Variants in PTPRD observed in about 807,000 individuals in gnomAD.
PTPRD encodes protein tyrosine phosphatase receptor type D, also known as receptor-type tyrosine-protein phosphatase delta.
A neutral mutation model predicts 214.5 loss-of-function variants in PTPRD; 34 were observed. The ratio of observed to expected loss-of-function variants is 0.16; its 90% CI spans 0.12 to 0.21. PTPRD has a LOEUF of 0.21. PTPRD is among the 10% of genes least tolerant of loss of function. The probability of loss-of-function intolerance (pLI) is 1.00; values close to 1 mark genes in which losing one functional copy is unlikely to be tolerated. For synonymous variants in PTPRD, 1,128 were observed against 845.7 expected, an observed-to-expected ratio of 1.33 and a Z score of -5.79; for missense variants, 2,545 against 2,398.7, an observed-to-expected ratio of 1.06 and a Z score of -1.27.
At chr9:9,179,498 G>A (rs771832809) in intron 10 of PTPRD, among the ~76,000 whole-genome samples, 16 of 152,174 alleles carry the variant, frequency 1.1e-4, no homozygotes, top group Middle Eastern at 3.4e-3. Context: ...AAAATGCTAC[G>A]AACCACTAGC....
At chr9:10,181,987 G>A (rs1246057973) in intron 3 of PTPRD, among the ~76,000 whole-genome samples, 2 of 148,492 alleles carry the variant, frequency 1.3e-5, no homozygotes, top group Middle Eastern at 3.5e-3. Context: ...TGGGTGCAGT[G>A]GCTCACGCCT....
chr9:8,835,100 G>A (rs960294670), intron 11 of PTPRD, among the ~76,000 whole-genome samples: 4 of 152,174 alleles, frequency 2.6e-5, no homozygotes, highest in African/African-American at 9.7e-5. Context: ...ATTCAACTGG[G>A]CCCCATGCAT....
At chr9:10,082,189 A>G (rs1428108757) in intron 3 of PTPRD, among the ~76,000 whole-genome samples, 1 of 152,094 alleles carries the variant, frequency 6.6e-6, no homozygotes, top group Non-Finnish European at 1.5e-5. Flanking sequence ...CCTGGAATCA[A>G]TTACTGAATT....
intron 3 of PTPRD, among the ~76,000 whole-genome samples, chr9:10,177,751 T>G (rs1269358027): frequency 6.6e-6 from 1 of 151,962 alleles, no homozygotes; most frequent in Non-Finnish European, 1.5e-5. Context: ...CCATTATTCT[T>G]TCTTCTCTTA....
At chr9:10,193,689 C>A (rs1015535912) in intron 3 of PTPRD, among the ~76,000 whole-genome samples, 27 of 152,250 alleles carry the variant, frequency 1.8e-4, no homozygotes, top group African/African-American at 6.0e-4. Context: ...TCTATTAGCA[C>A]TTCTTCTTGT....
chr9:9,466,163 G>A (rs915444603), intron 8 of PTPRD, among the ~76,000 whole-genome samples: 1 of 151,942 alleles, frequency 6.6e-6, no homozygotes, highest in Non-Finnish European at 1.5e-5. Context: ...ACAAAAATTA[G>A]CTAGGCATGG....
intron 3 of PTPRD, among the ~76,000 whole-genome samples, chr9:10,192,224 A>G (rs983138331): frequency 2.6e-5 from 4 of 152,084 alleles, no homozygotes; most frequent in African/African-American, 7.2e-5. Context: ...TGTGAAAGGA[A>G]GTGAAGATTT....
chr9:9,008,353 G>A (rs1295435164), intron 11 of PTPRD, among the ~76,000 whole-genome samples: 4 of 151,324 alleles, frequency 2.6e-5, no homozygotes, highest in Non-Finnish European at 5.9e-5. Flanking sequence ...TCAGCCTCCC[G>A]AGTAGCTGGG....
intron 7 of PTPRD, among the ~76,000 whole-genome samples, chr9:9,644,964 AC>A (rs1490205672): frequency 6.6e-6 from 1 of 152,222 alleles, no homozygotes; most frequent in African/African-American, 2.4e-5. Context: ...TGGATGCCAC[AC>A]AAGAACCTGG....
chr9:8,776,984 CA>C (rs2095510539), intron 11 of PTPRD, among the ~76,000 whole-genome samples: 2 of 148,040 alleles, frequency 1.4e-5, no homozygotes, highest in Non-Finnish European at 3.0e-5. Context: ...TATATATATA[CA>C]TTTTTTTCTT....
At chr9:10,573,324 A>G (rs1366423422) in intron 2 of PTPRD, among the ~76,000 whole-genome samples, 1 of 152,204 alleles carries the variant, frequency 6.6e-6, no homozygotes, top group Non-Finnish European at 1.5e-5. Flanking sequence ...TTGCGCATGA[A>G]TACAAGTTCC....
chr9:9,959,037 A>G (rs1338207236), intron 4 of PTPRD, among the ~76,000 whole-genome samples: 4 of 152,204 alleles, frequency 2.6e-5, no homozygotes, highest in East Asian at 1.9e-4. Flanking sequence ...TGTTCACACC[A>G]AAACCTTCCT....
In PTPRD at chr9:8,465,633, C is replaced by T. The variant is rs193068274; in HGVS notation, c.3547G>A (p.Gly1183Arg). The change falls in exon 32 of 46, where the codon GGG becomes AGG. Residue 1183 changes from glycine (G) to arginine (R), a missense_variant. Physicochemically the swap from Gly to Arg is moderately radical, Grantham distance 125 (BLOSUM62 -2). Coordinates refer to ENST00000381196, the MANE Select transcript of PTPRD (RefSeq NM_002839.4). ...ISRKRRSIRYGREVELKPYIA... is the reference protein window; with the variant it reads ...ISRKRRSIRYRREVELKPYIA... ...TATGGCTTTAATTCAACTTCTCTCC[C>T]ATAACGGATGCTTCTGCGCTTCCTA... 263 of 1,612,260 alleles carry T rather than the reference C, an allele frequency of 1.6e-4. No homozygotes were observed. The highest frequency in any genetic ancestry group is 1.9e-4 in the Non-Finnish European group (223 of 1,178,862).
intron 10 of PTPRD, among the ~76,000 whole-genome samples, chr9:9,098,397 C>T (rs1444681402): frequency 6.6e-6 from 1 of 152,054 alleles, no homozygotes; most frequent in Admixed American, 6.6e-5. Context: ...GCTGGGACTA[C>T]AGGCATGCAC....
chr9:10,069,845 C>T (rs1252915529), intron 3 of PTPRD, among the ~76,000 whole-genome samples: 1 of 151,800 alleles, frequency 6.6e-6, no homozygotes, highest in Non-Finnish European at 1.5e-5. Flanking sequence ...TCAATTTTTC[C>T]TGCTTTTTAA....
At chr9:9,482,430 G>A (rs1039991718) in intron 8 of PTPRD, among the ~76,000 whole-genome samples, 4 of 152,150 alleles carry the variant, frequency 2.6e-5, no homozygotes, top group Non-Finnish European at 5.9e-5. Context: ...AAATGGGGTA[G>A]AACGTTGAAG....
chr9:9,288,133 CTTCT>C (rs1950072060), intron 9 of PTPRD, among the ~76,000 whole-genome samples: 2 of 151,670 alleles, frequency 1.3e-5, no homozygotes, highest in South Asian at 4.2e-4. Flanking sequence ...TGTTTCTTTC[CTTCT>C]ATTTATTCTG....
intron 7 of PTPRD, among the ~76,000 whole-genome samples, chr9:9,653,386 A>AAAAAAT (rs2096422807): frequency 1.5e-5 from 2 of 133,794 alleles, no homozygotes; most frequent in Non-Finnish European, 3.2e-5. Context: ...AAAAAAAAAA[A>AAAAAAT]GTGCCTCATT....
At chr9:10,176,590 T>C (rs1216191123) in intron 3 of PTPRD, among the ~76,000 whole-genome samples, 3 of 151,972 alleles carry the variant, frequency 2.0e-5, no homozygotes, top group Non-Finnish European at 4.4e-5. Context: ...GAAAAGGTTA[T>C]CTTGAACAAA....
Sources: allele counts gnomAD v4.1 joint callset (sites outside exome capture counted in the v4.1 genomes callset), GRCh38; gene constraint gnomAD v4.1.1; transcripts MANE v1.5; gene names NCBI Gene and HGNC (gene_info 2026-07-23, HGNC 2026-07-21).